The following MACF1 variants were observed in gnomAD, a reference collection of about 807,000 sequenced individuals.
MACF1 encodes the protein microtubule-actin cross-linking factor 1.
MACF1 carries 193 observed loss-of-function variants against 854.8 expected under a neutral mutation model. The observed-to-expected ratio is 0.23, with a 90% CI of 0.20 to 0.25. The LOEUF (loss-of-function observed/expected upper bound fraction) is 0.25, where lower values mean the gene tolerates loss of function less well. Among genes scored for constraint, MACF1 ranks in the 10% least tolerant of loss-of-function variants. The pLI is 1.00. For synonymous variants in MACF1, 3,185 were observed against 3,226.7 expected, an observed-to-expected ratio of 0.99 and a Z score of 0.44; for missense variants, 7,722 against 8,929.1, an observed-to-expected ratio of 0.86 and a Z score of 5.45.
chr1:39,151,825 A>G (rs1033764936), intron 2 of MACF1, among the ~76,000 whole-genome samples: 2 of 152,126 alleles, frequency 1.3e-5, no homozygotes, highest in African/African-American at 2.4e-5. Flanking sequence ...AGAGCTCTTC[A>G]TTTCCATCAG....
At chr1:39,103,527 T>G (rs1372508153) in intron 2 of MACF1, 1 of 153,136 alleles carries the variant, frequency 6.5e-6, no homozygotes, top group African/African-American at 2.4e-5. Flanking sequence ...CTCTGCTGTT[T>G]ACGAAAAATG....
At chr1:39,458,725 A>G in intron 90 of MACF1, 1 of 560,466 alleles carries the variant, frequency 1.8e-6, no homozygotes, top group Non-Finnish European at 3.0e-6. Flanking sequence ...ATTTTTTAAC[A>G]GTGGCCTTTC....
chr1:39,283,349 T>G lies in MACF1; in HGVS notation c.808+48T>G, dbSNP rs771459166. On this transcript the variant is annotated intron_variant, in intron 8 of 100. Coordinates refer to ENST00000564288, the MANE Select transcript of MACF1 (RefSeq NM_001394062.1). This position sits in a 1 kb window ranked among gnomAD's most constrained non-coding sequence, Gnocchi z 4.5. Reference sequence around the variant, plus strand: ...TGAGTAAGGAACACGTATTCAGTATTCCTTCTTCTGGCAAGTTCCTTTGTT... The same window carrying G: ...TGAGTAAGGAACACGTATTCAGTATGCCTTCTTCTGGCAAGTTCCTTTGTT... The G allele has an allele frequency of 6.3e-7, 1 of 1,582,228 alleles. No homozygotes were observed. Among genetic ancestry groups the G allele is most frequent in the Non-Finnish European group, 8.7e-7 (1 of 1,150,958 alleles).
At chr1:39,122,810 C>T (rs1642750454) in intron 2 of MACF1, among the ~76,000 whole-genome samples, 1 of 152,174 alleles carries the variant, frequency 6.6e-6, no homozygotes, top group Non-Finnish European at 1.5e-5. Flanking sequence ...GCCAGAGTCA[C>T]AATGTTGAAG....
At chr1:39,433,782 A>G (rs1273375000) in intron 68 of MACF1, among the ~76,000 whole-genome samples, 1 of 152,172 alleles carries the variant, frequency 6.6e-6, no homozygotes, top group Admixed American at 6.5e-5. Flanking sequence ...AAACTGATCC[A>G]TTATAATGGT....
intron 56 of MACF1, among the ~76,000 whole-genome samples, chr1:39,382,500 C>T (rs1650318016): frequency 6.6e-6 from 1 of 151,404 alleles, no homozygotes. Context: ...GTCAGGAGAT[C>T]AAGACCATCC....
chr1:39,394,094 A>T (rs1231355191), intron 58 of MACF1, among the ~76,000 whole-genome samples: 2 of 152,184 alleles, frequency 1.3e-5, no homozygotes, highest in Non-Finnish European at 2.9e-5. Flanking sequence ...TAGGTGCAGC[A>T]TCAGGCTTCC....
intron 2 of MACF1, among the ~76,000 whole-genome samples, chr1:39,137,746 C>G (rs1414094308): frequency 6.6e-6 from 1 of 152,138 alleles, no homozygotes; most frequent in African/African-American, 2.4e-5. Flanking sequence ...ATTGCATTAT[C>G]TCATTCAACT....
chr1:39,340,828 C>G lies in MACF1; in HGVS notation c.10456C>G (p.Gln3486Glu). 6.2e-7 allele frequency: 1 copy of G among 1,613,646 alleles called. No individual in the cohort carries two copies. ...GACTAAAGTGTTAAATCAGCACACACAGCTAGAAGGCCGACTTCAAGATCT... is the reference window on the plus strand; with the variant it reads ...GACTAAAGTGTTAAATCAGCACACAGAGCTAGAAGGCCGACTTCAAGATCT... Reference protein sequence around the residue: ...EKTKVLNQHTQLEGRLQDLRA... With the variant: ...EKTKVLNQHTELEGRLQDLRA... Residue 3486 changes from glutamine (Q) to glutamate (E), a missense_variant, in exon 40 of 101, where the codon CAG (glutamine) becomes GAG (glutamate). Physicochemically the swap from Gln to Glu is conservative, Grantham distance 29. Coordinates refer to ENST00000564288, the MANE Select transcript of MACF1 (RefSeq NM_001394062.1).
At chr1:39,475,889 G>A (rs1644871521) in intron 97 of MACF1, among the ~76,000 whole-genome samples, 1 of 152,182 alleles carries the variant, frequency 6.6e-6, no homozygotes, top group South Asian at 2.1e-4. Context: ...CAGGACTGTG[G>A]ACAGACCCAG....
rs547613501 is a variant in MACF1 at position 39,333,934 on chromosome 1, G to A, written c.7346G>A (p.Arg2449Lys). The A allele has an allele frequency of 2.5e-6, 4 of 1,614,142 alleles. No individual in the cohort carries two copies. The South Asian group carries it at 4.4e-5, about 18-fold the overall frequency. The part of the protein sequence containing the change: ...LINLEKASKG[R>K]DAEKTVRERL... ...AATCTGGAGAAAGCTTCCAAAGGTAGAGATGCTGAAAAAACAGTTAGGGAG... is the reference window on the plus strand; with the variant it reads ...AATCTGGAGAAAGCTTCCAAAGGTAAAGATGCTGAAAAAACAGTTAGGGAG... The change falls in exon 37 of 101, where the codon AGA (arginine) becomes AAA (lysine). Residue 2449 changes from arginine (R) to lysine (K), a missense_variant. Arg to Lys is a conservative substitution (Grantham distance 26, BLOSUM62 2). Coordinates refer to ENST00000564288, the MANE Select transcript of MACF1 (RefSeq NM_001394062.1).
At chr1:39,413,008 T>C in intron 58 of MACF1, 2 of 1,583,414 alleles carry the variant, frequency 1.3e-6, no homozygotes, top group Non-Finnish European at 1.7e-6. Flanking sequence ...TGTTACAGTA[T>C]CTGTCCCTGA....
chr1:39,131,086 A>G (rs932796314), intron 2 of MACF1, among the ~76,000 whole-genome samples: 11 of 147,374 alleles, frequency 7.5e-5, no homozygotes, highest in African/African-American at 2.8e-4. Flanking sequence ...TCCTGACCTC[A>G]GGTGAACCAC....
intron 2 of MACF1, among the ~76,000 whole-genome samples, chr1:39,239,062 C>A (rs1232669480): frequency 6.6e-6 from 1 of 152,158 alleles, no homozygotes; most frequent in Non-Finnish European, 1.5e-5. Flanking sequence ...GGGTGGATCA[C>A]TTGAGGTCAG....
At chr1:39,420,288 CCTT>C (rs1023733962) in intron 58 of MACF1, among the ~76,000 whole-genome samples, 5 of 152,146 alleles carry the variant, frequency 3.3e-5, no homozygotes, top group African/African-American at 1.2e-4. Context: ...TGGCTTTCTG[CCTT>C]CTTTGCCTTT....
intron 6 of MACF1, chr1:39,268,792 A>C (rs1218735391): frequency 7.8e-7 from 1 of 1,289,810 alleles, no homozygotes; most frequent in Admixed American, 2.3e-5. Flanking sequence ...GTTCGGTTCA[A>C]AAGGAGGTGG....
At chr1:39,173,351 A>AAG (rs1553155694) in intron 2 of MACF1, among the ~76,000 whole-genome samples, 32 of 126,218 alleles carry the variant, frequency 2.5e-4, no homozygotes, top group Non-Finnish European at 2.8e-4. Flanking sequence ...AAAAAAAAAA[A>AAG]AAAGAAAGAA....
intron 2 of MACF1, among the ~76,000 whole-genome samples, chr1:39,184,924 G>A (rs1644147322): frequency 6.6e-6 from 1 of 152,102 alleles, no homozygotes; most frequent in South Asian, 2.1e-4. Flanking sequence ...TCTGAAGATG[G>A]CCTGGAAAAA....
intron 99 of MACF1, among the ~76,000 whole-genome samples, chr1:39,483,462 G>A (rs1259413053): frequency 6.6e-6 from 1 of 152,176 alleles, no homozygotes; most frequent in Non-Finnish European, 1.5e-5. Flanking sequence ...CTTGGGGTGT[G>A]GTGATTGTGC....
Sources: allele counts gnomAD v4.1 joint callset (sites outside exome capture counted in the v4.1 genomes callset), GRCh38; gene constraint gnomAD v4.1.1; non-coding constraint Gnocchi (gnomAD v3.1); transcripts MANE v1.5; gene names NCBI Gene and HGNC (gene_info 2026-07-23, HGNC 2026-07-21).